Variants in WWC2 observed in about 807,000 individuals in gnomAD.
WWC2 encodes protein WWC2.
WWC2 carries 101 observed loss-of-function variants against 138.5 expected under a neutral mutation model. That is an observed-to-expected ratio of 0.73 (90% CI 0.62 to 0.86). The LOEUF (loss-of-function observed/expected upper bound fraction) is 0.86. Ranked by LOEUF, WWC2 falls within the 40% of genes least tolerant of loss-of-function variation. WWC2 has a pLI of 0.00. For missense variants in WWC2, 1,420 were observed against 1,419.4 expected (o/e 1.00, Z -0.01); for synonymous variants, 558 against 538.4 (o/e 1.04, Z -0.50).
intron 1 of WWC2, among the ~76,000 whole-genome samples, chr4:183,105,155 C>T (rs896083243): frequency 5.3e-5 from 8 of 152,254 alleles, no homozygotes; most frequent in Admixed American, 2.0e-4. Flanking sequence ...GTTACCTGCC[C>T]GCCTTAGCCT....
At position 183,111,080 on chromosome 4, in the gene WWC2, A is replaced by G. The variant is rs193112078; in HGVS notation, c.131+11458A>G. The stretch of plus-strand genomic sequence containing the variant: ...TGGTGAAACCCCATCTCTACTAAAA[A>G]TATAAAATAATTAGCCGGGCGTCGT... On this transcript the variant is annotated intron_variant, in intron 1 of 22. Transcript: ENST00000403733. 2.8e-3 allele frequency among the ~76,000 whole-genome samples: 433 copies of G among 152,222 alleles called. 1 individual carries two copies. The highest frequency in any genetic ancestry group is 1.0e-2 in the African/African-American group (415 of 41,516).
intron 2 of WWC2, among the ~76,000 whole-genome samples, chr4:183,203,079 A>G (rs1735346195): frequency 6.6e-6 from 1 of 152,114 alleles, no homozygotes; most frequent in Non-Finnish European, 1.5e-5. Flanking sequence ...GACTGAATAC[A>G]GGGTTTATGA....
chr4:183,314,003 C>T (rs971009931), intron 22 of WWC2, among the ~76,000 whole-genome samples: 2 of 151,918 alleles, frequency 1.3e-5, no homozygotes, highest in African/African-American at 2.4e-5. Context: ...CCAGAAGAAG[C>T]GAGTGTTTTT....
At chr4:183,206,795 T>C (rs964782788) in intron 2 of WWC2, among the ~76,000 whole-genome samples, 2 of 152,180 alleles carry the variant, frequency 1.3e-5, no homozygotes, top group African/African-American at 4.8e-5. Flanking sequence ...GTATACACCA[T>C]GGTATCCCAA....
chr4:183,240,535 G>C (rs1202740291), intron 5 of WWC2: 4 of 271,908 alleles, frequency 1.5e-5, no homozygotes, highest in Admixed American at 5.3e-5. Context: ...TTTATCTCCT[G>C]GACCCTTGCT....
At chr4:183,184,707 G>T (rs1734741084) in intron 1 of WWC2, among the ~76,000 whole-genome samples, 1 of 152,080 alleles carries the variant, frequency 6.6e-6, no homozygotes, top group Non-Finnish European at 1.5e-5. Context: ...CTTCACTGTG[G>T]TTTTGATTTG....
chr4:183,192,021 A>C (rs1339590048), intron 1 of WWC2, among the ~76,000 whole-genome samples: 1 of 152,178 alleles, frequency 6.6e-6, no homozygotes, highest in Non-Finnish European at 1.5e-5. Context: ...CACGGTGCCC[A>C]ACCAGAATTT....
At chr4:183,282,544 G>A in intron 17 of WWC2, 164 bp from the exon 18 acceptor site, 1 of 692,148 alleles carries the variant, frequency 1.4e-6, no homozygotes, top group South Asian at 1.9e-5. Flanking sequence ...GTGAAGAGAG[G>A]ATTTTTTTAA....
intron 1 of WWC2, among the ~76,000 whole-genome samples, chr4:183,121,391 T>C (rs1732595563): frequency 6.6e-6 from 1 of 152,084 alleles, no homozygotes; most frequent in Non-Finnish European, 1.5e-5. Context: ...TACTTCCCAG[T>C]TGAACATCCC....
chr4:183,270,015 C>T (rs1215808037), intron 15 of WWC2: 2 of 152,212 alleles, frequency 1.3e-5, no homozygotes, highest in Non-Finnish European at 2.9e-5. Context: ...AGCACAGAAA[C>T]ACATGTTTCA....
At chr4:183,212,980 G>A (rs548239433) in intron 4 of WWC2, among the ~76,000 whole-genome samples, 34 of 152,304 alleles carry the variant, frequency 2.2e-4, no homozygotes, top group Admixed American at 1.5e-3. Flanking sequence ...TCAAGAAGGT[G>A]CTTCCCTCAC....
chr4:183,265,828 G>A, intron 13 of WWC2, 37 bp from the exon 14 acceptor site: 4 of 1,608,994 alleles, frequency 2.5e-6, no homozygotes, highest in Middle Eastern at 1.7e-4. Context: ...AGTGGCCTGT[G>A]GTGATTCCTG....
chr4:183,304,252 G>A (rs1237909613), intron 21 of WWC2, among the ~76,000 whole-genome samples: 2 of 152,106 alleles, frequency 1.3e-5, no homozygotes, highest in African/African-American at 4.8e-5. Flanking sequence ...TATGAGCAGT[G>A]ACCTCTGCAG....
intron 1 of WWC2, among the ~76,000 whole-genome samples, chr4:183,169,354 T>G (rs1308879446): frequency 6.6e-6 from 1 of 152,242 alleles, no homozygotes; most frequent in Non-Finnish European, 1.5e-5. Context: ...CTTCATGTGT[T>G]TTTTACACAT....
intron 1 of WWC2, among the ~76,000 whole-genome samples, chr4:183,163,577 T>C (rs764531467): frequency 1.2e-4 from 19 of 152,092 alleles, no homozygotes; most frequent in South Asian, 6.2e-4. Flanking sequence ...TACCAATGAG[T>C]GTTTGGGGCA....
intron 21 of WWC2, among the ~76,000 whole-genome samples, chr4:183,302,110 G>A (rs1467472328): frequency 6.6e-6 from 1 of 152,278 alleles, no homozygotes; most frequent in Admixed American, 6.5e-5. Flanking sequence ...TATAAACAAT[G>A]TGGAAACACA....
intron 5 of WWC2, among the ~76,000 whole-genome samples, chr4:183,241,929 A>G (rs1251829224): frequency 2.0e-5 from 3 of 152,224 alleles, no homozygotes; most frequent in Admixed American, 2.0e-4. Context: ...TATTGATGTA[A>G]CAATGCTGTA....
intron 4 of WWC2, among the ~76,000 whole-genome samples, chr4:183,219,996 G>A (rs1735876090): frequency 6.6e-6 from 1 of 152,148 alleles, no homozygotes; most frequent in South Asian, 2.1e-4. Context: ...TTCTCTGGCT[G>A]GTTGTAGGGG....
chr4:183,271,793 CAGG>C (rs1295219921), intron 16 of WWC2, among the ~76,000 whole-genome samples: 2 of 152,256 alleles, frequency 1.3e-5, no homozygotes. Flanking sequence ...TGCTTTTGCT[CAGG>C]AGTTCAAGAC....
Sources: allele counts gnomAD v4.1 joint callset (sites outside exome capture counted in the v4.1 genomes callset), GRCh38; gene constraint gnomAD v4.1.1; transcripts MANE v1.5; gene names NCBI Gene and HGNC (gene_info 2026-07-23, HGNC 2026-07-21).